PDE4D: variants seen among roughly 807,000 people sequenced by gnomAD.
The protein encoded by PDE4D is phosphodiesterase 4D, also known as 3',5'-cyclic-AMP phosphodiesterase 4D.
In PDE4D, 24 loss-of-function variants were observed where a neutral mutation model predicts 87.4. The ratio of observed to expected loss-of-function variants is 0.27; its 90% confidence interval spans 0.20 to 0.39. PDE4D has a LOEUF of 0.39. PDE4D is among the 10% of genes least tolerant of loss of function. The pLI, the probability that PDE4D is intolerant of heterozygous loss-of-function variation, is 1.00. For synonymous variants in PDE4D, 384 were observed against 383.2 expected (o/e 1.00, Z -0.02); for missense variants, 714 against 1,041.0 (o/e 0.69, Z 4.32).
At chr5:59,358,705 G>C (rs6897015) in intron 1 of PDE4D, among the ~76,000 whole-genome samples, 12,630 of 151,882 alleles carry the variant, frequency 0.083, 634 homozygotes, top group Middle Eastern at 0.14. Flanking sequence ...GTCCCTAACA[G>C]CTGGTGGGGT....
intron 1 of PDE4D, among the ~76,000 whole-genome samples, chr5:60,390,053 T>C (rs1280774367): frequency 6.6e-6 from 1 of 152,206 alleles, no homozygotes; most frequent in Non-Finnish European, 1.5e-5. Context: ...TATTTCCCAC[T>C]TCCCGGGGCA....
chr5:59,746,162 T>G (rs538116444), intron 1 of PDE4D, among the ~76,000 whole-genome samples: 1 of 152,318 alleles, frequency 6.6e-6, no homozygotes, highest in Admixed American at 6.5e-5. Flanking sequence ...CAGGATTTTG[T>G]GTCCAAATCA....
intron 1 of PDE4D, among the ~76,000 whole-genome samples, chr5:60,278,898 G>C (rs1271107156): frequency 6.6e-6 from 1 of 152,132 alleles, no homozygotes; most frequent in East Asian, 1.9e-4. Context: ...TCATCTCAGT[G>C]TTGGTATCTA....
intron 1 of PDE4D, among the ~76,000 whole-genome samples, chr5:59,530,397 G>A (rs1198536545): frequency 6.6e-6 from 1 of 152,082 alleles, no homozygotes; most frequent in Non-Finnish European, 1.5e-5. Context: ...CAGGTCTTCA[G>A]GCAGATACCA....
At chr5:60,123,078 C>A (rs191317020) in intron 2 of PDE4D, among the ~76,000 whole-genome samples, 1 of 152,302 alleles carries the variant, frequency 6.6e-6, no homozygotes, top group Non-Finnish European at 1.5e-5. Flanking sequence ...TCTGAGAGCA[C>A]CTCAGCTTGG....
intron 1 of PDE4D, among the ~76,000 whole-genome samples, chr5:59,384,881 T>C (rs191746848): frequency 3.9e-5 from 6 of 152,192 alleles, no homozygotes; most frequent in Non-Finnish European, 8.8e-5. Context: ...CCTAGTTACA[T>C]CACAATTTTT....
intron 1 of PDE4D, chr5:59,592,294 T>A (rs1583243760): frequency 4.5e-6 from 1 of 220,862 alleles, no homozygotes; most frequent in Admixed American, 6.5e-5. Flanking sequence ...AGGCATGCTG[T>A]TCTGAACATT....
chr5:59,899,383 A>G (rs551809879), intron 3 of PDE4D, among the ~76,000 whole-genome samples: 32 of 152,200 alleles, frequency 2.1e-4, no homozygotes, highest in African/African-American at 7.7e-4. Context: ...TCAATAAAGA[A>G]AAGTTCTGGC....
chr5:60,253,933 T>G (rs940418189), intron 1 of PDE4D, among the ~76,000 whole-genome samples: 4 of 151,928 alleles, frequency 2.6e-5, no homozygotes, highest in Admixed American at 2.6e-4. Context: ...TGTGATAAAT[T>G]GCTAACTCAA....
At position 59,260,930 on chromosome 5, in the gene PDE4D, T is replaced by C. The variant is rs570601019; in HGVS notation, c.456-44962A>G. On this transcript the variant is annotated intron_variant, in intron 1 of 14. Transcript: ENST00000340635. The stretch of plus-strand genomic sequence containing the variant: ...AAATCATTTATGGAATTTCCCACAA[T>C]ATACACCAAAAAAAAAAAAAAAGCA... Among the ~76,000 whole-genome samples, 25 of 110,486 alleles carry C rather than the reference T, an allele frequency of 2.3e-4. No homozygotes were observed. In the East Asian group the frequency reaches 6.4e-3, roughly 28 times the overall value. The allele number at this position is 110,486 out of a possible 152,430, so 72.5% of individuals were successfully genotyped here.
At chr5:59,077,475 CT>C (rs33910828) in intron 5 of PDE4D, among the ~76,000 whole-genome samples, 30,091 of 130,560 alleles carry the variant, frequency 0.23, 3,319 homozygotes, top group Middle Eastern at 0.33. Flanking sequence ...TTTTTTTCTT[CT>C]TTTTTTTTTT....
At chr5:59,103,454 G>A (rs540288161) in intron 5 of PDE4D, among the ~76,000 whole-genome samples, 14 of 151,396 alleles carry the variant, frequency 9.2e-5, no homozygotes, top group East Asian at 3.9e-4. Context: ...GGGAAGTTTC[G>A]CATTAAATAT....
intron 5 of PDE4D, among the ~76,000 whole-genome samples, chr5:59,081,721 T>C (rs1353714102): frequency 6.6e-6 from 1 of 152,158 alleles, no homozygotes; most frequent in Non-Finnish European, 1.5e-5. Context: ...ATTACTTTTA[T>C]GATATTGCTA....
chr5:60,105,701 C>A (rs916041484), intron 2 of PDE4D, among the ~76,000 whole-genome samples: 4 of 152,010 alleles, frequency 2.6e-5, no homozygotes, highest in African/African-American at 4.8e-5. Context: ...TAATGGGGGC[C>A]AATATTCAAC....
At chr5:59,100,195 T>C (rs1770496679) in intron 5 of PDE4D, among the ~76,000 whole-genome samples, 1 of 152,234 alleles carries the variant, frequency 6.6e-6, no homozygotes, top group African/African-American at 2.4e-5. Context: ...GCAAGCCACA[T>C]TTCTACATCT....
At chr5:59,413,397 G>A (rs1371995864) in intron 1 of PDE4D, among the ~76,000 whole-genome samples, 1 of 143,078 alleles carries the variant, frequency 7.0e-6, no homozygotes, top group Non-Finnish European at 1.5e-5. Context: ...GGCAGAGCTT[G>A]CAGTGAGCCG....
intron 1 of PDE4D, among the ~76,000 whole-genome samples, chr5:59,407,202 T>C (rs1791836603): frequency 6.6e-6 from 1 of 152,150 alleles, no homozygotes; most frequent in Non-Finnish European, 1.5e-5. Context: ...TAAAATCTCT[T>C]TGTTTAAAGG....
At chr5:58,999,548 T>C in intron 6 of PDE4D, 1 of 1,258,804 alleles carries the variant, frequency 7.9e-7, no homozygotes, top group Non-Finnish European at 1.0e-6. Context: ...TTTGATTGAT[T>C]ATATGTATAT....
intron 1 of PDE4D, among the ~76,000 whole-genome samples, chr5:59,760,826 TC>T (rs1360660194): frequency 1.3e-5 from 2 of 152,196 alleles, no homozygotes; most frequent in African/African-American, 4.8e-5. Context: ...CATCTTCATT[TC>T]CGTTATAGTA....
Sources: allele counts gnomAD v4.1 joint callset (sites outside exome capture counted in the v4.1 genomes callset), GRCh38; gene constraint gnomAD v4.1.1; transcripts MANE v1.5; gene names NCBI Gene and HGNC (gene_info 2026-07-23, HGNC 2026-07-21).